The following RNF150 variants were observed in gnomAD, a reference collection of about 807,000 sequenced individuals.
RNF150 encodes ring finger protein 150.
In RNF150, 24 loss-of-function variants were observed where a neutral mutation model predicts 39.3. The observed-to-expected ratio is 0.61, with a 90% CI of 0.44 to 0.86. The LOEUF (loss-of-function observed/expected upper bound fraction) is 0.86. Ranked by LOEUF, RNF150 falls within the 40% of genes least tolerant of loss-of-function variation. The pLI is 0.00. For synonymous variants in RNF150, 255 were observed against 227.3 expected (o/e 1.12, Z -1.10); for missense variants, 502 against 587.8 (o/e 0.85, Z 1.51).
intron 1 of RNF150, among the ~76,000 whole-genome samples, chr4:141,099,796 A>G (rs963863074): frequency 2.6e-5 from 4 of 152,140 alleles, no homozygotes; most frequent in African/African-American, 9.7e-5. Flanking sequence ...TATATATAAA[A>G]AAAAAACCTT....
chr4:140,868,206 T>C lies in RNF150; in HGVS notation c.*55A>G. Reference sequence around the variant, plus strand: ...GTGCCTGGTCCAAGTCTTGGAGCACTCTTCCCTTCCTTTCCCTTGGGTCCT... The same window carrying C: ...GTGCCTGGTCCAAGTCTTGGAGCACCCTTCCCTTCCTTTCCCTTGGGTCCT... On this transcript the variant is annotated 3_prime_UTR_variant, in exon 7 of 7. Transcript: ENST00000515673. The C allele has an allele frequency of 5.8e-6, 6 of 1,038,570 alleles. No individual in the cohort carries two copies. Among genetic ancestry groups the C allele is most frequent in the Non-Finnish European group, 6.1e-6 (4 of 657,122 alleles). 64.3% of individuals were successfully genotyped at this position (1,038,570 alleles called of 1,614,324 possible).
rs1234118891 is a variant in RNF150 at position 140,867,410 on chromosome 4, G to C, written c.*851C>G. ...TAAAACCAGCCCTACAACCACCAAA[G>C]ACTGGATGCCTTGGAGGGGACTTCT... On this transcript the variant is annotated 3_prime_UTR_variant, in exon 7 of 7. Coordinates refer to ENST00000515673, the MANE Select transcript of RNF150 (RefSeq NM_020724.2). 1 of 152,212 alleles carries C rather than the reference G, an allele frequency of 6.6e-6. No individual in the cohort carries two copies. Among genetic ancestry groups the C allele is most frequent in the Non-Finnish European group, 1.5e-5 (1 of 68,044 alleles). The allele number at this position is 152,212 out of a possible 1,614,324, so 9.4% of individuals were successfully genotyped here. A position where few individuals can be genotyped will look rare whatever the true frequency, so the allele number is the denominator to read the frequency against.
At chr4:140,963,291 C>T (rs560936702) in intron 2 of RNF150, among the ~76,000 whole-genome samples, 1 of 152,094 alleles carries the variant, frequency 6.6e-6, no homozygotes, top group East Asian at 1.9e-4. Context: ...ACCTCATTAA[C>T]TTACAGAAAA....
chr4:141,107,717 A>G (rs1329982729), intron 1 of RNF150, among the ~76,000 whole-genome samples: 2 of 152,180 alleles, frequency 1.3e-5, no homozygotes, highest in African/African-American at 2.4e-5. Flanking sequence ...TTTTATCTGT[A>G]TACTACCCTC....
At chr4:141,179,746 G>A (rs139140739) in intron 1 of RNF150, among the ~76,000 whole-genome samples, 82 of 152,230 alleles carry the variant, frequency 5.4e-4, no homozygotes, top group African/African-American at 1.6e-3. Context: ...ATACCATGTC[G>A]CAGGGGAAAG....
At chr4:140,884,323 C>T (rs1033006636) in intron 6 of RNF150, among the ~76,000 whole-genome samples, 9 of 151,918 alleles carry the variant, frequency 5.9e-5, no homozygotes, top group Non-Finnish European at 1.3e-4. Context: ...TTAATTTGTT[C>T]GTTTGATTGG....
chr4:141,087,669 A>C (rs1435298026), intron 1 of RNF150, among the ~76,000 whole-genome samples: 1 of 152,174 alleles, frequency 6.6e-6, no homozygotes, highest in Non-Finnish European at 1.5e-5. Flanking sequence ...TTACTTTTAA[A>C]ATCACAATGC....
intron 1 of RNF150, among the ~76,000 whole-genome samples, chr4:140,973,624 C>T (rs958846805): frequency 1.3e-5 from 2 of 151,946 alleles, no homozygotes; most frequent in African/African-American, 4.8e-5. Context: ...TGCCTGTAAT[C>T]CCAGCACTTT....
chr4:141,166,565 C>T (rs1233935783), intron 1 of RNF150, among the ~76,000 whole-genome samples: 2 of 152,192 alleles, frequency 1.3e-5, no homozygotes, highest in Non-Finnish European at 1.5e-5. Flanking sequence ...CAAACCAAAT[C>T]CAGCAGCAAA....
intron 1 of RNF150, among the ~76,000 whole-genome samples, chr4:141,111,173 G>C (rs1398313490): frequency 6.6e-6 from 1 of 152,180 alleles, no homozygotes; most frequent in African/African-American, 2.4e-5. Context: ...CTGAGGAATG[G>C]TCTGTATATC....
chr4:140,981,537 T>G (rs1466318285), intron 1 of RNF150, among the ~76,000 whole-genome samples: 1 of 152,128 alleles, frequency 6.6e-6, no homozygotes, highest in Non-Finnish European at 1.5e-5. Flanking sequence ...AAAGCAATAA[T>G]TTTTTAATAC....
At chr4:140,935,736 T>C (rs1731840082) in intron 4 of RNF150, among the ~76,000 whole-genome samples, 1 of 152,230 alleles carries the variant, frequency 6.6e-6, no homozygotes. Context: ...AGTGAACTGT[T>C]GTTTTTAAAA....
chr4:140,903,212 C>T (rs945547955), intron 6 of RNF150, among the ~76,000 whole-genome samples: 1 of 152,196 alleles, frequency 6.6e-6, no homozygotes. Context: ...TTTCCTGCCT[C>T]TGGCTAGTGG....
intron 5 of RNF150, among the ~76,000 whole-genome samples, chr4:140,919,034 C>T (rs897660235): frequency 6.6e-6 from 1 of 151,694 alleles, no homozygotes; most frequent in Non-Finnish European, 1.5e-5. Context: ...TGGGACGTAT[C>T]TCAAAATAAT....
chr4:141,021,638 C>T (rs1336521040), intron 1 of RNF150, among the ~76,000 whole-genome samples: 4 of 152,176 alleles, frequency 2.6e-5, no homozygotes, highest in African/African-American at 4.8e-5. Flanking sequence ...ATCAGGAGGA[C>T]ATCTGACAAA....
chr4:141,132,300 C>A lies in RNF150; in HGVS notation c.484+25G>T. The stretch of plus-strand genomic sequence containing the variant: ...CACCTCCGTCCCCGCCGGCTCCCCT[C>A]CCCCGCGCCCGCTGGGCCACTCACC... On this transcript the variant is annotated intron_variant, in intron 1 of 6. Coordinates refer to ENST00000515673, the MANE Select transcript of RNF150 (RefSeq NM_020724.2). This position sits in a 1 kb window ranked among gnomAD's most constrained non-coding sequence, Gnocchi z 4.9. 4 of 1,557,336 alleles carry A rather than the reference C, an allele frequency of 2.6e-6. No individual in the cohort carries two copies. The highest frequency in any genetic ancestry group is 3.5e-6 in the Non-Finnish European group (4 of 1,150,098).
At chr4:141,178,460 C>T (rs1179718332) in intron 1 of RNF150, among the ~76,000 whole-genome samples, 3 of 152,176 alleles carry the variant, frequency 2.0e-5, no homozygotes, top group South Asian at 2.1e-4. Context: ...AGTTGAGTTT[C>T]CTGTATATTT....
At position 141,087,797 on chromosome 4, in the gene RNF150, G is replaced by T. The variant is rs548551214; in HGVS notation, c.484+44528C>A. On this transcript the variant is annotated intron_variant, in intron 1 of 6. Transcript: ENST00000515673. Reference sequence around the variant, plus strand: ...ACTGGAAGAATGTGTCTGTAATGAGGGTAGTTACATCTTTTGTAACACTGT... The same window carrying T: ...ACTGGAAGAATGTGTCTGTAATGAGTGTAGTTACATCTTTTGTAACACTGT... Among the ~76,000 whole-genome samples, 3 of 152,222 alleles carry T rather than the reference G, an allele frequency of 2.0e-5. No individual in the cohort carries two copies. The East Asian group carries it at 5.8e-4, about 29-fold the overall frequency.
intron 1 of RNF150, among the ~76,000 whole-genome samples, chr4:141,016,734 ACT>A (rs1261692206): frequency 6.7e-6 from 1 of 149,964 alleles, no homozygotes; most frequent in Non-Finnish European, 1.5e-5. Context: ...TCTGCCTGAA[ACT>A]CTCTTTGCCT....
Sources: allele counts gnomAD v4.1 joint callset (sites outside exome capture counted in the v4.1 genomes callset), GRCh38; gene constraint gnomAD v4.1.1; non-coding constraint Gnocchi (gnomAD v3.1); transcripts MANE v1.5; gene names NCBI Gene and HGNC (gene_info 2026-07-23, HGNC 2026-07-21).